WDR35: variants seen among roughly 807,000 people sequenced by gnomAD.
The protein encoded by WDR35 is WD repeat-containing protein 35.
Under a neutral mutation model 158.3 loss-of-function variants are expected in WDR35, and 118 were observed. The observed-to-expected ratio is 0.75, with a 90% CI of 0.64 to 0.87. The LOEUF (loss-of-function observed/expected upper bound fraction) is 0.87, where lower values mean the gene tolerates loss of function less well. Among genes scored for constraint, WDR35 ranks in the 40% least tolerant of loss-of-function variants. The probability of loss-of-function intolerance (pLI) is 0.00; values close to 1 mark genes in which losing one functional copy is unlikely to be tolerated. For synonymous variants in WDR35, 448 were observed against 476.1 expected (o/e 0.94, Z 0.77); for missense variants, 1,263 against 1,405.8 (o/e 0.90, Z 1.62).
At position 19,953,724 on chromosome 2, in the gene WDR35, T is replaced by C. The variant is rs546419722; in HGVS notation, c.1400+110A>G. 6.9e-5 allele frequency: 96 copies of C among 1,385,672 alleles called. 1 individual carries two copies. In the South Asian group the frequency reaches 1.0e-3, roughly 15 times the overall value. The allele number at this position is 1,385,672 out of a possible 1,614,324, so 85.8% of individuals were successfully genotyped here. A position where few individuals can be genotyped will look rare whatever the true frequency, so the allele number is the denominator to read the frequency against. On this transcript the variant is annotated intron_variant, in intron 12 of 26. Transcript: ENST00000281405. ...ATAATCAAATTAATTGAAAAAACAT[T>C]TCTACTAATCAAGACACTACAGTTA... is the stretch of plus-strand genomic sequence containing the variant.
At chr2:19,942,125 T>A (rs1261113546) in intron 16 of WDR35, among the ~76,000 whole-genome samples, 1 of 152,332 alleles carries the variant, frequency 6.6e-6, no homozygotes, top group East Asian at 1.9e-4. Flanking sequence ...TTCTCTTACA[T>A]GGCCACATTA....
At chr2:19,971,730 C>T (rs1041247527) in intron 8 of WDR35, among the ~76,000 whole-genome samples, 1 of 152,176 alleles carries the variant, frequency 6.6e-6, no homozygotes, top group Non-Finnish European at 1.5e-5. Flanking sequence ...AAGCCCTCTA[C>T]AGTACTCTTG....
intron 25 of WDR35, among the ~76,000 whole-genome samples, chr2:19,922,843 A>AT (rs559623470): frequency 2.6e-4 from 39 of 152,332 alleles, no homozygotes; most frequent in African/African-American, 9.1e-4. Context: ...CATGATGGCC[A>AT]TAACACCCAC....
chr2:19,978,195 GACACACACAC>G (rs3039208), intron 5 of WDR35, among the ~76,000 whole-genome samples: 3 of 146,704 alleles, frequency 2.0e-5, no homozygotes, highest in Non-Finnish European at 4.5e-5. Context: ...CACACACACA[GACACACACAC>G]ACACACACAC....
chr2:19,988,602 A>G (rs1054507834), intron 2 of WDR35, among the ~76,000 whole-genome samples: 1 of 152,212 alleles, frequency 6.6e-6, no homozygotes, highest in Non-Finnish European at 1.5e-5. Flanking sequence ...GCTGAGATTT[A>G]ACTCCAATTA....
rs1572327118 is a variant in WDR35, at chr2:19,934,778, C to A, written c.2547+693G>T. Among the ~76,000 whole-genome samples the A allele has an allele frequency of 6.6e-6, 1 of 151,968 alleles. No homozygotes were observed. Among genetic ancestry groups the A allele is most frequent in the South Asian group, 2.1e-4 (1 of 4,814 alleles). ...AAAATACCATTATTACAGAGATAGC[C>A]GCTCAAATTCACAATAGGGAAAACT... On this transcript the variant is annotated intron_variant, in intron 21 of 26. Transcript: ENST00000281405. This position sits in a 1 kb window ranked among gnomAD's most constrained non-coding sequence, Gnocchi z 4.6.
intron 4 of WDR35, 138 bp from the exon 5 acceptor site, chr2:19,979,017 A>G (rs759666833): frequency 1.1e-5 from 12 of 1,077,232 alleles, no homozygotes; most frequent in Non-Finnish European, 1.6e-5. Context: ...ACATTAAACT[A>G]TAAAACTTCC....
chr2:19,975,004 T>A (rs1263280483), intron 6 of WDR35, among the ~76,000 whole-genome samples: 1 of 152,222 alleles, frequency 6.6e-6, no homozygotes, highest in East Asian at 1.9e-4. Context: ...TAATCATACA[T>A]CTATGATAGC....
At chr2:19,918,940 A>G (rs1206871440) in intron 25 of WDR35, among the ~76,000 whole-genome samples, 2 of 152,208 alleles carry the variant, frequency 1.3e-5, no homozygotes, top group South Asian at 2.1e-4. Context: ...TCAACAGAAT[A>G]TACATTCTTC....
At chr2:19,956,169 T>A (rs184467942) in intron 11 of WDR35, among the ~76,000 whole-genome samples, 1 of 152,244 alleles carries the variant, frequency 6.6e-6, no homozygotes, top group Non-Finnish European at 1.5e-5. Flanking sequence ...ACTCTAATGC[T>A]GGTAACTATT....
chr2:19,976,201 TAAACAC>T (rs1672204240), intron 5 of WDR35, among the ~76,000 whole-genome samples: 1 of 152,322 alleles, frequency 6.6e-6, no homozygotes, highest in East Asian at 1.9e-4. Context: ...TATGTGGATT[TAAACAC>T]ATGCAGATCT....
intron 22 of WDR35, among the ~76,000 whole-genome samples, chr2:19,932,969 A>C (rs934529121): frequency 6.6e-6 from 1 of 152,242 alleles, no homozygotes; most frequent in Non-Finnish European, 1.5e-5. Context: ...GTTTTCTATA[A>C]AGGAAAAGGA....
intron 25 of WDR35, among the ~76,000 whole-genome samples, chr2:19,926,773 T>C (rs1383557780): frequency 1.3e-5 from 2 of 152,170 alleles, no homozygotes; most frequent in African/African-American, 2.4e-5. Context: ...GGTAAAATAA[T>C]AACTTGGGGT....
chr2:19,971,035 A>G (rs946826424), intron 8 of WDR35, among the ~76,000 whole-genome samples: 1 of 148,098 alleles, frequency 6.8e-6, no homozygotes, highest in Non-Finnish European at 1.5e-5. Flanking sequence ...AAATTTTTTT[A>G]ATTTAAAATT....
intron 25 of WDR35, among the ~76,000 whole-genome samples, chr2:19,918,216 C>CTT (rs991824879): frequency 2.1e-5 from 3 of 142,086 alleles, no homozygotes; most frequent in African/African-American, 9.4e-5. Flanking sequence ...ACCATCAGGC[C>CTT]TCTCCTACAA....
intron 18 of WDR35, 80 bp from the exon 19 acceptor site, chr2:19,938,026 C>T: frequency 6.6e-7 from 1 of 1,512,016 alleles, no homozygotes; most frequent in South Asian, 1.1e-5. Context: ...ATTCAATTAT[C>T]ATTTATGTCT....
rs1258971741 is a variant in WDR35 at position 19,953,757 on chromosome 2, T to C, written c.1400+77A>G. 5.0e-6 allele frequency: 8 copies of C among 1,590,190 alleles called. No homozygotes were observed. In the East Asian group the frequency reaches 1.6e-4, roughly 31 times the overall value. The stretch of plus-strand genomic sequence containing the variant: ...ATCAAGACACTACAGTTATCAAGCA[T>C]GACAATTTACAATTACTATGTCTGA... On this transcript the variant is annotated intron_variant, in intron 12 of 26. Transcript: ENST00000281405.
intron 25 of WDR35, among the ~76,000 whole-genome samples, chr2:19,923,210 T>G (rs1310812932): frequency 6.6e-6 from 1 of 152,188 alleles, no homozygotes; most frequent in African/African-American, 2.4e-5. Flanking sequence ...TGTTTTTAAT[T>G]CCTTTAGCAC....
At chr2:19,978,611 C>T in intron 5 of WDR35, 140 bp downstream of exon 5, 1 of 1,309,604 alleles carries the variant, frequency 7.6e-7, no homozygotes, top group East Asian at 2.4e-5. Context: ...TGAATGTCGT[C>T]AAATTGTATA....
Sources: gnomAD v4.1 joint callset for allele counts (sites outside exome capture counted in the v4.1 genomes callset) on GRCh38, gnomAD v4.1.1 for gene constraint, Gnocchi (gnomAD v3.1) non-coding constraint, MANE v1.5 for transcripts, NCBI Gene and HGNC (gene_info 2026-07-23, HGNC 2026-07-21) for gene names.